The following TMEM178B variants were observed in gnomAD, a reference collection of about 807,000 sequenced individuals.
TMEM178B encodes the protein transmembrane protein 178B.
In TMEM178B, 5 loss-of-function variants were observed where a neutral mutation model predicts 31.0. The observed-to-expected ratio is 0.16, with a 90% CI of 0.08 to 0.34. The LOEUF (loss-of-function observed/expected upper bound fraction) is 0.34, where lower values mean the gene tolerates loss of function less well. Ranked by LOEUF, TMEM178B falls within the 10% of genes least tolerant of loss-of-function variation. TMEM178B has a pLI of 1.00. For missense variants in TMEM178B, 275 were observed against 400.3 expected (o/e 0.69, Z 2.67); for synonymous variants, 164 against 164.0 (o/e 1.00, Z 0.00).
At chr7:141,216,132 G>C (rs551704984) in intron 2 of TMEM178B, among the ~76,000 whole-genome samples, 10 of 151,912 alleles carry the variant, frequency 6.6e-5, no homozygotes, top group African/African-American at 2.4e-4. Flanking sequence ...TCCCTGACCT[G>C]AATTACATAC....
chr7:141,437,838 C>G, intron 3 of TMEM178B, 93 bp downstream of exon 3: 1 of 1,478,794 alleles, frequency 6.8e-7, no homozygotes, highest in South Asian at 1.3e-5. Context: ...GCAGAGGGGA[C>G]CATGACGTGA....
chr7:141,140,583 G>A (rs1034458810), intron 1 of TMEM178B, among the ~76,000 whole-genome samples: 9 of 152,128 alleles, frequency 5.9e-5, no homozygotes, highest in African/African-American at 2.2e-4. Flanking sequence ...GATTTGCTTA[G>A]TTTTTACCAG....
intron 2 of TMEM178B, among the ~76,000 whole-genome samples, chr7:141,435,311 A>C (rs1295226818): frequency 1.3e-5 from 2 of 152,250 alleles, no homozygotes; most frequent in Non-Finnish European, 2.9e-5. Flanking sequence ...AGCCCCTTAC[A>C]GGGAAACCTT....
chr7:141,245,683 G>A lies in TMEM178B; in HGVS notation c.496+32979G>A, dbSNP rs142482181. 3.9e-5 allele frequency among the ~76,000 whole-genome samples: 6 copies of A among 152,280 alleles called. No homozygotes were observed. In the East Asian group the frequency reaches 1.2e-3, roughly 29 times the overall value. Reference sequence around the variant, plus strand: ...AAATGCAGCCACATCGTATACATAAGCCAGCTCCCCTGATGGAACTCCACA... The same window carrying A: ...AAATGCAGCCACATCGTATACATAAACCAGCTCCCCTGATGGAACTCCACA... On this transcript the variant is annotated intron_variant, in intron 2 of 3. Coordinates refer to ENST00000565468, the MANE Select transcript of TMEM178B (RefSeq NM_001195278.2).
chr7:141,396,700 A>C (rs776612678), intron 2 of TMEM178B, among the ~76,000 whole-genome samples: 3 of 152,220 alleles, frequency 2.0e-5, no homozygotes, highest in Non-Finnish European at 4.4e-5. Context: ...GGTTTAAGGA[A>C]CAAGACACAG....
intron 2 of TMEM178B, among the ~76,000 whole-genome samples, chr7:141,386,850 G>T (rs1687501046): frequency 6.6e-6 from 1 of 152,204 alleles, no homozygotes. Context: ...GGGCAAGGAA[G>T]TTCCAGGGGC....
chr7:141,173,635 T>C (rs995690428), intron 1 of TMEM178B, among the ~76,000 whole-genome samples: 3 of 152,244 alleles, frequency 2.0e-5, no homozygotes, highest in African/African-American at 7.2e-5. Flanking sequence ...CATTTCCTTC[T>C]GAATGTCAAC....
rs528376576 is a variant in TMEM178B at position 141,127,331 on chromosome 7, T to C, written c.382+52639T>C. On this transcript the variant is annotated intron_variant, in intron 1 of 3. Coordinates refer to ENST00000565468, the MANE Select transcript of TMEM178B (RefSeq NM_001195278.2). ...GAATGTCTAAAAAGTTATGTTCATG[T>C]CCTAACCCCTAGAACCTGTGAAGGT... 6.8e-4 allele frequency among the ~76,000 whole-genome samples: 104 copies of C among 152,352 alleles called. 1 individual carries two copies. Among genetic ancestry groups the C allele is most frequent in the Non-Finnish European group, 1.1e-3 (74 of 68,038 alleles).
chr7:141,350,358 A>G (rs997250245), intron 2 of TMEM178B, among the ~76,000 whole-genome samples: 5 of 151,928 alleles, frequency 3.3e-5, no homozygotes, highest in Admixed American at 2.0e-4. Flanking sequence ...GCATCGTAAC[A>G]TGTTTATTTG....
the TMEM178B span, among the ~76,000 whole-genome samples, chr7:141,490,322 A>G: frequency 1.3e-5 from 2 of 152,246 alleles, no homozygotes; most frequent in Non-Finnish European, 2.9e-5. Flanking sequence ...AGATGAAGTA[A>G]TTAGACTTGG....
intron 2 of TMEM178B, among the ~76,000 whole-genome samples, chr7:141,367,868 A>G (rs189582826): frequency 1.3e-5 from 2 of 152,198 alleles, no homozygotes; most frequent in Admixed American, 6.5e-5. Flanking sequence ...AGAGGAAAGC[A>G]CGAATGCAAA....
chr7:141,470,856 A>C lies in TMEM178B; in HGVS notation c.*70A>C. 1.1e-6 allele frequency: 1 copy of C among 893,984 alleles called. No individual in the cohort carries two copies. Among genetic ancestry groups the C allele is most frequent in the Non-Finnish European group, 1.4e-6 (1 of 722,384 alleles). 55.4% of individuals were successfully genotyped at this position (893,984 alleles called of 1,614,324 possible). A position where few individuals can be genotyped will look rare whatever the true frequency, so the allele number is the denominator to read the frequency against. ...TAATATACATATATAAAACAAAACA[A>C]AACTAAATCAAGACGATGCCAGTGC... On this transcript the variant is annotated 3_prime_UTR_variant, in exon 4 of 4. Transcript: ENST00000565468.
chr7:141,207,263 G>A (rs1283383505), intron 1 of TMEM178B, among the ~76,000 whole-genome samples: 1 of 152,202 alleles, frequency 6.6e-6, no homozygotes, highest in Admixed American at 6.5e-5. Context: ...ATGAACATGG[G>A]AGTGCAGATA....
rs1238733003 is a variant in TMEM178B, at chr7:141,074,956, C to CT, written c.382+266dup. ...GAGTGGAACCTCATGGTCCAGGGTT[C>CT]TTATCCAGGATAATGCTTCATCAGC... On this transcript the variant is annotated intron_variant, in intron 1 of 3. Transcript: ENST00000565468. The surrounding 1 kb of genome is among the most constrained non-coding windows in gnomAD (Gnocchi z 5.1). 6.6e-6 allele frequency among the ~76,000 whole-genome samples: 1 copy of CT among 152,206 alleles called. No homozygotes were observed. Among genetic ancestry groups the CT allele is most frequent in the Non-Finnish European group, 1.5e-5 (1 of 68,040 alleles).
intron 2 of TMEM178B, among the ~76,000 whole-genome samples, chr7:141,411,393 A>G (rs1189688506): frequency 2.0e-5 from 3 of 152,294 alleles, no homozygotes; most frequent in East Asian, 3.9e-4. Flanking sequence ...ATCAAACTGT[A>G]TATTTTTTAA....
intron 2 of TMEM178B, among the ~76,000 whole-genome samples, chr7:141,373,589 G>A (rs1185140900): frequency 1.3e-5 from 2 of 152,166 alleles, no homozygotes; most frequent in African/African-American, 4.8e-5. Context: ...TAGAGCTTGG[G>A]TGGCCTTCTA....
In TMEM178B at chr7:141,335,585, G is replaced by T. The variant is rs564746370; in HGVS notation, c.497-102023G>T. The stretch of plus-strand genomic sequence containing the variant: ...AGCTCATGAGAAGTTTTCATGAGAA[G>T]CTCATGAAAACAGTAACAGTACAGT... On this transcript the variant is annotated intron_variant, in intron 2 of 3. Coordinates refer to ENST00000565468, the MANE Select transcript of TMEM178B (RefSeq NM_001195278.2). Among the ~76,000 whole-genome samples the T allele has an allele frequency of 1.8e-3, 271 of 152,252 alleles. 2 individuals carry two copies. The highest frequency in any genetic ancestry group is 6.3e-3 in the African/African-American group (260 of 41,546).
At chr7:141,294,807 A>G (rs1241968152) in intron 2 of TMEM178B, among the ~76,000 whole-genome samples, 1 of 152,230 alleles carries the variant, frequency 6.6e-6, no homozygotes, top group Non-Finnish European at 1.5e-5. Flanking sequence ...TCTCTCATAT[A>G]GAATATAATA....
In TMEM178B at chr7:141,100,771, A is replaced by T. The variant is rs189505314; in HGVS notation, c.382+26079A>T. On this transcript the variant is annotated intron_variant, in intron 1 of 3. Coordinates refer to ENST00000565468, the MANE Select transcript of TMEM178B (RefSeq NM_001195278.2). ...GAATGTATACGTATTCTACATATAT[A>T]TGTAGAATGTGTGACAATAAACTGA... Among the ~76,000 whole-genome samples the T allele has an allele frequency of 4.7e-4, 71 of 152,344 alleles. 1 individual carries two copies. In the East Asian group the frequency reaches 9.6e-3, roughly 21 times the overall value.
Sources: gnomAD v4.1 joint callset for allele counts (sites outside exome capture counted in the v4.1 genomes callset) on GRCh38, gnomAD v4.1.1 for gene constraint, Gnocchi (gnomAD v3.1) non-coding constraint, MANE v1.5 for transcripts, NCBI Gene and HGNC (gene_info 2026-07-23, HGNC 2026-07-21) for gene names.